The following UBOX5 variants were observed in gnomAD, a reference collection of about 807,000 sequenced individuals.
UBOX5 encodes RING finger protein 37.
Under a neutral mutation model 39.0 loss-of-function variants are expected in UBOX5, and 28 were observed. The observed-to-expected ratio is 0.72, with a 90% confidence interval of 0.53 to 0.98. UBOX5 has a LOEUF of 0.98. UBOX5 is among the 50% of genes least tolerant of loss of function. UBOX5 has a pLI of 0.00. For synonymous variants in UBOX5, 283 were observed against 275.5 expected (o/e 1.03, Z -0.27); for missense variants, 585 against 674.4 (o/e 0.87, Z 1.47).
At chr20:3,157,980 C>G (rs35681402) in intron 1 of UBOX5, among the ~76,000 whole-genome samples, 11,369 of 152,040 alleles carry the variant, frequency 0.075, 533 homozygotes, top group Middle Eastern at 0.13. Context: ...ACTGCATCCT[C>G]GACCACTGCC....
chr20:3,132,226 C>T (rs2066434750), intron 1 of UBOX5, among the ~76,000 whole-genome samples: 1 of 151,924 alleles, frequency 6.6e-6, no homozygotes, highest in African/African-American at 2.4e-5. Context: ...AGGAGAATCA[C>T]TTGAGCCCAG....
intron 1 of UBOX5, among the ~76,000 whole-genome samples, chr20:3,130,389 T>C (rs2066420589): frequency 6.7e-6 from 1 of 149,436 alleles, no homozygotes; most frequent in South Asian, 2.1e-4. Context: ...GGCTGGAGTG[T>C]AGTGGCTATT....
intron 1 of UBOX5, chr20:3,147,150 G>A: frequency 6.2e-7 from 1 of 1,613,772 alleles, no homozygotes. Flanking sequence ...CCCTGGAAAT[G>A]TCCTCTTGCT....
chr20:3,158,073 G>A (rs2066706894), intron 1 of UBOX5, among the ~76,000 whole-genome samples: 1 of 151,946 alleles, frequency 6.6e-6, no homozygotes, highest in Admixed American at 6.6e-5. Flanking sequence ...CTCCTAAGTA[G>A]CTTGGACTAC....
intron 1 of UBOX5, among the ~76,000 whole-genome samples, chr20:3,141,080 G>A (rs530594710): frequency 3.3e-5 from 5 of 151,604 alleles, no homozygotes; most frequent in South Asian, 2.1e-4. Context: ...CATCATGCCC[G>A]GCTAATTTCT....
chr20:3,143,660 TGGC>T (rs1377569088), intron 1 of UBOX5, among the ~76,000 whole-genome samples: 3 of 152,068 alleles, frequency 2.0e-5, no homozygotes, highest in Admixed American at 1.3e-4. Flanking sequence ...CTGGGCGTGG[TGGC>T]AGGTGCCTGT....
intron 1 of UBOX5, chr20:3,147,881 G>A (rs1262376292): frequency 1.2e-6 from 2 of 1,614,242 alleles, no homozygotes; most frequent in East Asian, 2.2e-5. Context: ...GCAGTAAAGA[G>A]TCAGGTGCAT....
intron 1 of UBOX5, among the ~76,000 whole-genome samples, chr20:3,131,538 A>G (rs1243000081): frequency 1.3e-5 from 2 of 152,204 alleles, no homozygotes; most frequent in Non-Finnish European, 2.9e-5. Flanking sequence ...TTAATTTTAG[A>G]TGGGATATTA....
At chr20:3,117,890 G>A (rs977171359) in intron 3 of UBOX5, among the ~76,000 whole-genome samples, 7 of 152,018 alleles carry the variant, frequency 4.6e-5, no homozygotes, top group South Asian at 4.1e-4. Context: ...TAATCAGGAG[G>A]CTGAGGCAGG....
At chr20:3,126,467 A>G (rs2066388964) in intron 1 of UBOX5, among the ~76,000 whole-genome samples, 1 of 150,740 alleles carries the variant, frequency 6.6e-6, no homozygotes, top group Non-Finnish European at 1.5e-5. Flanking sequence ...TGACCCTGCC[A>G]CATCCCCCTC....
At chr20:3,120,538 C>T (rs574905953) in intron 3 of UBOX5, among the ~76,000 whole-genome samples, 12 of 150,566 alleles carry the variant, frequency 8.0e-5, no homozygotes, top group African/African-American at 2.4e-4. Flanking sequence ...CCCAGCTACT[C>T]GGGAGGCTGA....
At chr20:3,120,218 G>A (rs932930739) in intron 3 of UBOX5, among the ~76,000 whole-genome samples, 4 of 151,458 alleles carry the variant, frequency 2.6e-5, no homozygotes, top group South Asian at 2.1e-4. Context: ...GTGGTGGCGC[G>A]CGTCTGTAAT....
intron 1 of UBOX5, among the ~76,000 whole-genome samples, chr20:3,132,530 T>C (rs2066437517): frequency 6.6e-6 from 1 of 151,742 alleles, no homozygotes; most frequent in Non-Finnish European, 1.5e-5. Flanking sequence ...AAGAAATGGC[T>C]GGGTGAAACG....
chr20:3,121,479 G>C lies in UBOX5; in HGVS notation c.1160C>G (p.Thr387Arg). 3.7e-6 allele frequency: 6 copies of C among 1,614,150 alleles called. No individual in the cohort carries two copies. The highest frequency in any genetic ancestry group is 4.2e-6 in the Non-Finnish European group (5 of 1,180,032). Residue 387 changes from threonine to arginine, a missense_variant, in exon 3 of 5, where the codon ACA becomes AGA. Thr to Arg is a moderately conservative substitution (Grantham distance 71). Coordinates refer to ENST00000217173, the MANE Select transcript of UBOX5 (RefSeq NM_014948.4). ...GGTAGTGGGTAAGACCAAAGGGCTT[G>C]TGGCAGAAAAACAGGAAGCATTTAC... is the stretch of plus-strand genomic sequence containing the variant. Reference protein sequence around the residue: ...FGVNASCFSATSPLVLPTTSE... With the variant: ...FGVNASCFSARSPLVLPTTSE...
chr20:3,116,757 AAAAG>A, intron 3 of UBOX5: 1 of 152,354 alleles, frequency 6.6e-6, no homozygotes. Context: ...ATAGGAAACT[AAAAG>A]AATGATCAAC....
chr20:3,137,853 C>T (rs532576903), intron 1 of UBOX5, among the ~76,000 whole-genome samples: 149 of 152,340 alleles, frequency 9.8e-4, no homozygotes, highest in African/African-American at 3.3e-3. Flanking sequence ...TCACCCAGAT[C>T]TAAGCCTTGG....
At chr20:3,153,599 C>T (rs756589206) in intron 1 of UBOX5, among the ~76,000 whole-genome samples, 5 of 152,048 alleles carry the variant, frequency 3.3e-5, no homozygotes, top group Non-Finnish European at 4.4e-5. Flanking sequence ...AAAACAGGTT[C>T]GGGGGGCAGT....
intron 1 of UBOX5, among the ~76,000 whole-genome samples, chr20:3,124,073 T>C (rs2066358669): frequency 6.6e-6 from 1 of 152,010 alleles, no homozygotes; most frequent in Non-Finnish European, 1.5e-5. Flanking sequence ...ATGTCTGATA[T>C]GCACCTGTAG....
At chr20:3,145,437 TTTC>T (rs1269802792) in intron 1 of UBOX5, among the ~76,000 whole-genome samples, 6 of 150,172 alleles carry the variant, frequency 4.0e-5, no homozygotes, top group African/African-American at 7.4e-5. Flanking sequence ...TTGGCCTTTT[TTTC>T]CTTTTTTTTT....
Sources: allele counts gnomAD v4.1 joint callset (sites outside exome capture counted in the v4.1 genomes callset), GRCh38; gene constraint gnomAD v4.1.1; transcripts MANE v1.5; gene names NCBI Gene and HGNC (gene_info 2026-07-23, HGNC 2026-07-21).